Variants in AAK1 observed in about 807,000 individuals in gnomAD.
AAK1 encodes the protein AP2 associated kinase 1.
In AAK1, 37 loss-of-function variants were observed where a neutral mutation model predicts 116.0. The ratio of observed to expected loss-of-function variants is 0.32; its 90% CI spans 0.25 to 0.42. The LOEUF (loss-of-function observed/expected upper bound fraction) is 0.42, where lower values mean the gene tolerates loss of function less well. Among genes scored for constraint, AAK1 ranks in the 10% least tolerant of loss-of-function variants. The probability of loss-of-function intolerance (pLI) is 1.00; values close to 1 mark genes in which losing one functional copy is unlikely to be tolerated. For synonymous variants in AAK1, 458 were observed against 439.9 expected (o/e 1.04, Z -0.51); for missense variants, 919 against 1,170.6 (o/e 0.79, Z 3.14).
At chr2:69,530,259 A>C (rs759799674) in intron 7 of AAK1, 119 bp from the exon 8 acceptor site, 2 of 1,051,170 alleles carry the variant, frequency 1.9e-6, no homozygotes, top group Non-Finnish European at 2.6e-6. Context: ...ATAGACTATT[A>C]ATGTATTAGA....
chr2:69,598,645 G>A (rs996133655), intron 2 of AAK1: 2 of 154,870 alleles, frequency 1.3e-5, no homozygotes, highest in Non-Finnish European at 2.8e-5. Flanking sequence ...TCAGCCTCCT[G>A]AGCAGCTGGG....
intron 13 of AAK1, among the ~76,000 whole-genome samples, chr2:69,512,006 T>A (rs1245432524): frequency 6.6e-6 from 1 of 152,150 alleles, no homozygotes; most frequent in Non-Finnish European, 1.5e-5. Flanking sequence ...AGATTTCAAC[T>A]CCTGCACTGA....
In AAK1 at chr2:69,467,996, C is replaced by T. The variant is rs1674545444; in HGVS notation, c.*7873G>A. On this transcript the variant is annotated 3_prime_UTR_variant, in exon 22 of 22. Coordinates refer to ENST00000409085, the MANE Select transcript of AAK1 (RefSeq NM_014911.5). ...ACAGAACAAAAATGTGTTTGTCCTC[C>T]ATTTTTATTTTCCTTTCTAACAGTT... The T allele has an allele frequency of 1.0e-6, 1 of 985,292 alleles. No homozygotes were observed. Among genetic ancestry groups the T allele is most frequent in the African/African-American group, 1.7e-5 (1 of 57,232 alleles). The allele number at this position is 985,292 out of a possible 1,614,324, so 61.0% of individuals were successfully genotyped here.
chr2:69,605,969 T>C (rs187378388), intron 2 of AAK1, among the ~76,000 whole-genome samples: 12 of 152,242 alleles, frequency 7.9e-5, no homozygotes, highest in African/African-American at 2.9e-4. Flanking sequence ...GTTCAGCCCA[T>C]TCCTCCCCTC....
intron 2 of AAK1, among the ~76,000 whole-genome samples, chr2:69,584,698 A>G (rs1444876780): frequency 6.6e-6 from 1 of 152,228 alleles, no homozygotes; most frequent in African/African-American, 2.4e-5. Flanking sequence ...ACTAGATTGC[A>G]CAAGGTGGTA....
chr2:69,572,079 G>C (rs933016253), intron 2 of AAK1, among the ~76,000 whole-genome samples: 1 of 152,222 alleles, frequency 6.6e-6, no homozygotes. Flanking sequence ...GAAGGACCAA[G>C]GAGCATGCCA....
chr2:69,565,761 C>A (rs1305977113), intron 2 of AAK1, among the ~76,000 whole-genome samples: 2 of 151,968 alleles, frequency 1.3e-5, no homozygotes, highest in East Asian at 3.9e-4. Flanking sequence ...AGTATCCTCT[C>A]CACGGTAAGA....
chr2:69,505,508 T>TA (rs1676149531), intron 16 of AAK1, 61 bp downstream of exon 16: 7 of 1,360,254 alleles, frequency 5.1e-6, no homozygotes, highest in South Asian at 2.4e-5. Flanking sequence ...ATCTGTGGAG[T>TA]AAAAAACAGT....
At position 69,475,623 on chromosome 2, in the gene AAK1, T is replaced by C. The variant is rs187886329; in HGVS notation, c.*246A>G. On this transcript the variant is annotated 3_prime_UTR_variant, in exon 22 of 22. Coordinates refer to ENST00000409085, the MANE Select transcript of AAK1 (RefSeq NM_014911.5). ...TAGTGCTTGATTTAAGATAATGCTA[T>C]TGAAGAAGGGTAATGAGAAAACACA... 23 of 1,279,868 alleles carry C rather than the reference T, an allele frequency of 1.8e-5. No homozygotes were observed. In the African/African-American group the frequency reaches 3.1e-4, roughly 17 times the overall value. The allele number at this position is 1,279,868 out of a possible 1,614,324, so 79.3% of individuals were successfully genotyped here. A position where few individuals can be genotyped will look rare whatever the true frequency, so the allele number is the denominator to read the frequency against.
Position 69,478,943 on chromosome 2 carries a change from G to C in AAK1, c.2680+8C>G, listed in dbSNP as rs749894606. ...CACATGTGGGCCTGAGAAGAAGAAA[G>C]CATTTACCTTTATGGACTGGAGCAG... On this transcript the variant is annotated splice_region_variant and intron_variant, in intron 20 of 21. Transcript: ENST00000409085. The C allele has an allele frequency of 3.8e-6, 6 of 1,598,052 alleles. No individual in the cohort carries two copies. The South Asian group carries it at 4.4e-5, about 12-fold the overall frequency.
chr2:69,642,898 A>T lies in AAK1; in HGVS notation c.143T>A (p.Val48Glu). Residue 48 changes from valine (V) to glutamate (E), a missense_variant, in exon 2 of 22, where the codon GTG becomes GAG. Transcript: ENST00000409085. ...VFGIGRQQVT[V>E]DEVLAEGGFA... The stretch of plus-strand genomic sequence containing the variant: ...CGTACCTTCCGCCAACACCTCGTCC[A>T]CTGTGACCTGCTGTCGCCCGATGCC... 1 of 1,613,834 alleles carries T rather than the reference A, an allele frequency of 6.2e-7. No individual in the cohort carries two copies. Among genetic ancestry groups the T allele is most frequent in the African/African-American group, 1.3e-5 (1 of 75,006 alleles).
At position 69,509,463 on chromosome 2, in the gene AAK1, G is replaced by T. The variant is rs1676308442; in HGVS notation, c.1777-3C>A. 6.2e-7 allele frequency: 1 copy of T among 1,609,608 alleles called. No individual in the cohort carries two copies. The highest frequency in any genetic ancestry group is 8.5e-7 in the Non-Finnish European group (1 of 1,177,722). The stretch of plus-strand genomic sequence containing the variant: ...TGTTGTCTTACTGGGGCTTGAATCT[G>T]CTAGGAAGAGAGACGGAAAGTGTTT... On this transcript the variant is annotated splice_polypyrimidine_tract_variant and splice_region_variant and intron_variant, in intron 13 of 21. Transcript: ENST00000409085.
intron 2 of AAK1, among the ~76,000 whole-genome samples, chr2:69,603,111 A>C (rs933971704): frequency 3.3e-5 from 5 of 152,232 alleles, no homozygotes; most frequent in Non-Finnish European, 7.3e-5. Context: ...GAAGTCAAAA[A>C]AGATAAAGAC....
chr2:69,480,886 G>T lies in AAK1; in HGVS notation c.2543C>A (p.Thr848Lys). 1 of 1,604,446 alleles carries T rather than the reference G, an allele frequency of 6.2e-7. No individual in the cohort carries two copies. Among genetic ancestry groups the T allele is most frequent in the Non-Finnish European group, 8.5e-7 (1 of 1,176,106 alleles). ...TGTGCGATTCGAGGTCACAGATTCC[G>T]TCTGAGATGGGAGGCGCTGGGGAAC... The part of the protein sequence containing the change: ...PPVPQRLPSQ[T>K]ESVTSNRTDS... The change falls in exon 19 of 22, where the codon ACG (threonine) becomes AAG (lysine). Residue 848 changes from threonine to lysine, a missense_variant. Around this residue, in one of 4 missense-constraint regions of AAK1, gnomAD observed 263 missense variants for 285.5 expected, o/e 0.92. Transcript: ENST00000409085.
chr2:69,552,060 G>A (rs1671203931), intron 3 of AAK1, among the ~76,000 whole-genome samples: 1 of 152,142 alleles, frequency 6.6e-6, no homozygotes, highest in Non-Finnish European at 1.5e-5. Context: ...GAGAGGTAGG[G>A]CTGGGGTTAT....
chr2:69,624,493 GAATAT>G (rs746263225), intron 2 of AAK1, among the ~76,000 whole-genome samples: 1 of 152,126 alleles, frequency 6.6e-6, no homozygotes, highest in South Asian at 2.1e-4. Flanking sequence ...TCTTGAAGAA[GAATAT>G]AATATCAAAA....
chr2:69,558,132 CAGG>C (rs1164299832), intron 2 of AAK1, among the ~76,000 whole-genome samples: 8 of 152,100 alleles, frequency 5.3e-5, no homozygotes. Context: ...CGCTTGAGCT[CAGG>C]AGTTCAGGAC....
rs577944995 is a variant in AAK1 at position 69,598,909 on chromosome 2, T to C, written c.164-41931A>G. The stretch of plus-strand genomic sequence containing the variant: ...ATGGCTTTTTTTACAAGGAGATCAT[T>C]ACTTTTTGATAGATTATGCTAAGGA... On this transcript the variant is annotated intron_variant, in intron 2 of 21. Transcript: ENST00000409085. 6.0e-5 allele frequency: 22 copies of C among 364,038 alleles called. 1 individual carries two copies. The highest frequency in any genetic ancestry group is 7.9e-4 in the Middle Eastern group (2 of 2,530). The allele number at this position is 364,038 out of a possible 1,614,324, so 22.6% of individuals were successfully genotyped here. A position where few individuals can be genotyped will look rare whatever the true frequency, so the allele number is the denominator to read the frequency against.
chr2:69,594,954 C>A, intron 2 of AAK1: 1 of 896,238 alleles, frequency 1.1e-6, no homozygotes. Context: ...GCCACTTTCC[C>A]TGGGCATACA....
Sources: allele counts gnomAD v4.1 joint callset (sites outside exome capture counted in the v4.1 genomes callset), GRCh38; gene constraint gnomAD v4.1.1; regional missense constraint gnomAD v4.1.1; transcripts MANE v1.5; gene names NCBI Gene and HGNC (gene_info 2026-07-23, HGNC 2026-07-21).